The following XKR9 variants were observed in gnomAD, a reference collection of about 807,000 sequenced individuals.
XKR9 encodes XK related 9, also known as XK-related protein 9.
Under a neutral mutation model 32.0 loss-of-function variants are expected in XKR9, and 32 were observed. The ratio of observed to expected loss-of-function variants is 1.00; its 90% CI spans 0.76 to 1.34. The LOEUF is 1.34. XKR9 is among the 40% of genes most tolerant of loss of function. XKR9 has a pLI of 0.00. For synonymous variants in XKR9, 168 were observed against 143.4 expected (o/e 1.17, Z -1.22); for missense variants, 546 against 429.7 (o/e 1.27, Z -2.39).
the XKR9 span, among the ~76,000 whole-genome samples, chr8:70,899,186 AG>A: frequency 6.6e-6 from 1 of 152,040 alleles, no homozygotes; most frequent in South Asian, 2.1e-4. Flanking sequence ...CTTCGGTGTA[AG>A]GCATTTTATT....
chr8:70,699,953 CCTTT>C (rs1279200838), intron 3 of XKR9, among the ~76,000 whole-genome samples: 1 of 152,102 alleles, frequency 6.6e-6, no homozygotes, highest in African/African-American at 2.4e-5. Context: ...TCACTGATAC[CCTTT>C]CTTCCAGTTG....
the XKR9 span, among the ~76,000 whole-genome samples, chr8:70,977,204 T>G: frequency 2.6e-5 from 4 of 152,192 alleles, no homozygotes. Flanking sequence ...CTAGATTCAT[T>G]GATTTTTTGA....
chr8:70,928,674 G>A, the XKR9 span, among the ~76,000 whole-genome samples: 43 of 152,038 alleles, frequency 2.8e-4, no homozygotes, highest in Non-Finnish European at 4.9e-4. Context: ...ATTAGCCAGG[G>A]ACATACTTTC....
At chr8:70,732,239 C>T (rs11986334) in intron 4 of XKR9, among the ~76,000 whole-genome samples, 50,310 of 152,120 alleles carry the variant, frequency 0.33, 9,460 homozygotes, top group Non-Finnish European at 0.43. Context: ...GCATTGGCAA[C>T]GCCTAGGATA....
At chr8:70,893,202 G>A in the XKR9 span, among the ~76,000 whole-genome samples, 1 of 151,952 alleles carries the variant, frequency 6.6e-6, no homozygotes, top group Non-Finnish European at 1.5e-5. Context: ...TGTAAAAAAC[G>A]ATTCCTATCT....
chr8:71,005,373 C>A, the XKR9 span, among the ~76,000 whole-genome samples: 5 of 151,804 alleles, frequency 3.3e-5, no homozygotes, highest in Non-Finnish European at 4.4e-5. Context: ...CAGGTGCCCA[C>A]CACCACACCC....
chr8:70,947,973 T>C, the XKR9 span, among the ~76,000 whole-genome samples: 1 of 152,236 alleles, frequency 6.6e-6, no homozygotes, highest in Non-Finnish European at 1.5e-5. Context: ...TGAAAGTTAA[T>C]TGCTGTCTAC....
chr8:71,000,943 A>G, the XKR9 span, among the ~76,000 whole-genome samples: 1 of 152,190 alleles, frequency 6.6e-6, no homozygotes, highest in Non-Finnish European at 1.5e-5. Flanking sequence ...CATAGAAAGA[A>G]GGGCACTGAG....
the XKR9 span, among the ~76,000 whole-genome samples, chr8:70,919,900 C>T: frequency 3.3e-5 from 5 of 152,136 alleles, no homozygotes; most frequent in African/African-American, 1.2e-4. Flanking sequence ...TAGTTTTTTG[C>T]ACAGGGCTAT....
At chr8:70,729,611 G>C (rs1806594700) in intron 4 of XKR9, among the ~76,000 whole-genome samples, 3 of 152,058 alleles carry the variant, frequency 2.0e-5, no homozygotes, top group African/African-American at 7.2e-5. Flanking sequence ...GGCAACAATT[G>C]CCTATGGATG....
At chr8:70,703,620 G>A (rs1412573613) in intron 3 of XKR9, among the ~76,000 whole-genome samples, 1 of 152,078 alleles carries the variant, frequency 6.6e-6, no homozygotes, top group Non-Finnish European at 1.5e-5. Context: ...AGGTAACCCA[G>A]ACATTTAATC....
chr8:70,970,615 A>C, the XKR9 span, among the ~76,000 whole-genome samples: 5 of 152,152 alleles, frequency 3.3e-5, no homozygotes, highest in South Asian at 2.1e-4. Context: ...GATGGTTTCC[A>C]GCTTCATCCA....
At chr8:70,742,082 A>G (rs1420631721) in intron 2 of XKR9, among the ~76,000 whole-genome samples, 1 of 150,716 alleles carries the variant, frequency 6.6e-6, no homozygotes, top group Non-Finnish European at 1.5e-5. Context: ...TTATGTGCTT[A>G]TTGGCCATTC....
the XKR9 span, among the ~76,000 whole-genome samples, chr8:70,984,284 G>T: frequency 6.6e-6 from 1 of 152,154 alleles, no homozygotes; most frequent in African/African-American, 2.4e-5. Flanking sequence ...GTCAAGGGGG[G>T]CCCAGGGGAA....
the XKR9 span, among the ~76,000 whole-genome samples, chr8:70,809,670 G>A: frequency 1.3e-5 from 2 of 152,172 alleles, no homozygotes; most frequent in African/African-American, 2.4e-5. Flanking sequence ...TAGCTGATTC[G>A]ATCAACTGGA....
downstream of XKR9, among the ~76,000 whole-genome samples, chr8:70,792,683 TAGA>T (rs1273111136): frequency 1.3e-5 from 2 of 151,990 alleles, no homozygotes; most frequent in Non-Finnish European, 2.9e-5. Context: ...GAAGAAATGA[TAGA>T]AGGTTTCTGA....
chr8:70,856,252 A>G, the XKR9 span, among the ~76,000 whole-genome samples: 1 of 152,326 alleles, frequency 6.6e-6, no homozygotes, highest in East Asian at 1.9e-4. Context: ...GCAGAGACAC[A>G]CATAGGCTCA....
intron 2 of XKR9, among the ~76,000 whole-genome samples, chr8:70,788,372 A>G (rs1807718477): frequency 6.6e-6 from 1 of 152,112 alleles, no homozygotes; most frequent in Non-Finnish European, 1.5e-5. Flanking sequence ...ATCGTGGAGC[A>G]TTCTTGCTAT....
the XKR9 span, among the ~76,000 whole-genome samples, chr8:70,909,703 C>CTTTTTTTTTTTT: frequency 1.1e-5 from 1 of 91,168 alleles, no homozygotes; most frequent in African/African-American, 4.1e-5. Flanking sequence ...TCGATTTATC[C>CTTTTTTTTTTTT]TTTTTTTTTT....
Sources: allele counts gnomAD v4.1 joint callset (sites outside exome capture counted in the v4.1 genomes callset), GRCh38; gene constraint gnomAD v4.1.1; transcripts MANE v1.5; gene names NCBI Gene and HGNC (gene_info 2026-07-23, HGNC 2026-07-21).